The following STK40 variants were observed in gnomAD, a reference collection of about 807,000 sequenced individuals.
STK40 encodes the protein serine/threonine kinase 40.
Under a neutral mutation model 47.9 loss-of-function variants are expected in STK40, and 13 were observed. The observed-to-expected ratio is 0.27, with a 90% CI of 0.18 to 0.43. The LOEUF is 0.43. Ranked by LOEUF, STK40 falls within the 20% of genes least tolerant of loss-of-function variation. STK40 has a pLI of 1.00. For synonymous variants in STK40, 225 were observed against 243.2 expected (o/e 0.93, Z 0.69); for missense variants, 460 against 595.1 (o/e 0.77, Z 2.36).
At chr1:36,382,132 G>A (rs1194871999) in intron 1 of STK40, among the ~76,000 whole-genome samples, 1 of 152,056 alleles carries the variant, frequency 6.6e-6, no homozygotes, top group Admixed American at 6.5e-5. Context: ...GACTAGGGTT[G>A]CTAGCAGGGA....
In STK40 at chr1:36,341,879, G is replaced by T; in HGVS notation, c.1184C>A (p.Ala395Asp). The T allele has an allele frequency of 6.2e-7, 1 of 1,614,036 alleles. No individual in the cohort carries two copies. Among genetic ancestry groups the T allele is most frequent in the Non-Finnish European group, 8.5e-7 (1 of 1,179,986 alleles). Residue 395 changes from alanine to aspartate, a missense_variant, in exon 11 of 11, where the codon GCC becomes GAC. Coordinates refer to ENST00000373132, the MANE Select transcript of STK40 (RefSeq NM_001282547.2). The part of the protein sequence containing the change: ...LAEEKSSIHD[A>D]RSWVPKRQFG... ...CTGCCGCTTGGGTACCCAGCTCCGGGCGTCATGGATGGAGCTCTTCTCCTC... is the reference window on the plus strand; with the variant it reads ...CTGCCGCTTGGGTACCCAGCTCCGGTCGTCATGGATGGAGCTCTTCTCCTC...
rs919491379 is a variant in STK40, at chr1:36,343,880, G to A, written c.984C>T (p.Leu328=). The A allele has an allele frequency of 1.9e-6, 3 of 1,602,854 alleles. No homozygotes were observed. The highest frequency in any genetic ancestry group is 2.7e-5 in the African/African-American group (2 of 74,816). The change falls in exon 9 of 11, where the codon CTC becomes CTT. Residue 328 remains leucine (L), a synonymous_variant. Transcript: ENST00000373132. ...RLAAADVLEA[L]SAIIASWQSL... ...CTTACCATGATGCAATGATGGCACT[G>A]AGGGCCTCCAGGACGTCGGCGGCGG...
In STK40 at chr1:36,354,410, T is replaced by A; in HGVS notation, c.577A>T (p.Ile193Phe). 1 of 1,614,088 alleles carries A rather than the reference T, an allele frequency of 6.2e-7. No individual in the cohort carries two copies. Among genetic ancestry groups the A allele is most frequent in the Non-Finnish European group, 8.5e-7 (1 of 1,179,956 alleles). Residue 193 changes from isoleucine to phenylalanine, a missense_variant, in exon 6 of 11, where the codon ATC becomes TTC. By Grantham distance (21) the Ile-to-Phe change is conservative (BLOSUM62 0). Coordinates refer to ENST00000373132, the MANE Select transcript of STK40 (RefSeq NM_001282547.2). ...CCCAGCTTCAGGTCTCTGTGCACGATATTTTTCTGTAAAACAACAGGCGTA... is the reference window on the plus strand; with the variant it reads ...CCCAGCTTCAGGTCTCTGTGCACGAAATTTTTCTGTAAAACAACAGGCGTA... The part of the protein sequence containing the change: ...RVVEALHQKN[I>F]VHRDLKLGNM...
At chr1:36,362,292 T>A in intron 1 of STK40, among the ~76,000 whole-genome samples, 1 of 152,232 alleles carries the variant, frequency 6.6e-6, no homozygotes, top group South Asian at 2.1e-4. Context: ...AGGAAACAGA[T>A]GTGTACAGAC....
At chr1:36,343,545 C>T in intron 9 of STK40, 97 bp from the exon 10 acceptor site, 1 of 1,168,390 alleles carries the variant, frequency 8.6e-7, no homozygotes, top group South Asian at 1.5e-5. Context: ...TGTGTTCCTG[C>T]CATGAGAGAC....
At chr1:36,385,299 G>C (rs1053263727) in intron 1 of STK40, among the ~76,000 whole-genome samples, 2 of 152,262 alleles carry the variant, frequency 1.3e-5, no homozygotes, top group African/African-American at 4.8e-5. Context: ...GAGGGCTCTT[G>C]GAGGAAGCCC....
chr1:36,360,078 T>G (rs186476030), intron 2 of STK40, among the ~76,000 whole-genome samples: 87 of 152,318 alleles, frequency 5.7e-4, no homozygotes, highest in Non-Finnish European at 9.6e-4. Context: ...GCACCACCGG[T>G]GATGACTGGT....
chr1:36,345,983 A>ATT (rs1242799312), intron 7 of STK40, among the ~76,000 whole-genome samples: 1 of 9,720 alleles, frequency 1.0e-4, no homozygotes, highest in Non-Finnish European at 4.0e-4. Flanking sequence ...ATATATATAT[A>ATT]TATATATATT....
At chr1:36,381,118 C>G (rs1647036158) in intron 1 of STK40, among the ~76,000 whole-genome samples, 2 of 152,154 alleles carry the variant, frequency 1.3e-5, no homozygotes, top group South Asian at 4.1e-4. Context: ...CCTATTGCCT[C>G]TGCCCTGATC....
At chr1:36,380,105 G>A (rs1647027332) in intron 1 of STK40, among the ~76,000 whole-genome samples, 1 of 152,178 alleles carries the variant, frequency 6.6e-6, no homozygotes, top group East Asian at 1.9e-4. Flanking sequence ...GCAAGCAATT[G>A]CATCCTTTCC....
At chr1:36,379,467 C>T (rs967925579) in intron 1 of STK40, among the ~76,000 whole-genome samples, 1 of 151,572 alleles carries the variant, frequency 6.6e-6, no homozygotes, top group African/African-American at 2.4e-5. Flanking sequence ...CTGCAAGCTC[C>T]GCCTCCTGGG....
intron 1 of STK40, among the ~76,000 whole-genome samples, chr1:36,370,880 C>CTTT (rs776772949): frequency 2.8e-5 from 4 of 141,612 alleles, no homozygotes; most frequent in South Asian, 2.3e-4. Context: ...CCGTACTACA[C>CTTT]TTTTTTTTTT....
At chr1:36,345,601 C>T (rs1646692482) in intron 7 of STK40, among the ~76,000 whole-genome samples, 1 of 152,170 alleles carries the variant, frequency 6.6e-6, no homozygotes, top group African/African-American at 2.4e-5. Flanking sequence ...AGGACAGCCC[C>T]CTTTTCCTAG....
At chr1:36,383,378 C>T (rs909516853) in intron 1 of STK40, among the ~76,000 whole-genome samples, 2 of 152,258 alleles carry the variant, frequency 1.3e-5, no homozygotes, top group African/African-American at 4.8e-5. Context: ...GCTCAAGCAA[C>T]CTACAATCCC....
Position 36,339,822 on chromosome 1 carries a change from T to C in STK40, c.*1933A>G, listed in dbSNP as rs948666799. On this transcript the variant is annotated 3_prime_UTR_variant, in exon 11 of 11. Coordinates refer to ENST00000373132, the MANE Select transcript of STK40 (RefSeq NM_001282547.2). ...CCAGGAATGTCATCAGACACATGGC[T>C]TGACCTTGGAAGGGCCCAGTCTGTC... 1 of 152,694 alleles carries C rather than the reference T, an allele frequency of 6.5e-6. No individual in the cohort carries two copies. The highest frequency in any genetic ancestry group is 2.4e-5 in the African/African-American group (1 of 41,468). 9.5% of individuals were successfully genotyped at this position (152,694 alleles called of 1,614,324 possible). A position where few individuals can be genotyped will look rare whatever the true frequency, so the allele number is the denominator to read the frequency against.
intron 1 of STK40, among the ~76,000 whole-genome samples, chr1:36,381,414 C>T (rs1341953855): frequency 6.6e-6 from 1 of 152,288 alleles, no homozygotes; most frequent in East Asian, 1.9e-4. Flanking sequence ...GTGCTTGTGC[C>T]AGGCTGCTCC....
At chr1:36,385,084 C>T (rs753486324) in intron 1 of STK40, among the ~76,000 whole-genome samples, 1 of 152,232 alleles carries the variant, frequency 6.6e-6, no homozygotes, top group South Asian at 2.1e-4. Context: ...CCGAATGTCC[C>T]TACCTAACTG....
intron 1 of STK40, among the ~76,000 whole-genome samples, chr1:36,374,428 G>A (rs931246814): frequency 1.3e-5 from 2 of 152,166 alleles, no homozygotes; most frequent in Non-Finnish European, 2.9e-5. Flanking sequence ...GTTAGAGACC[G>A]GTCCCCATAG....
rs530703162 is a variant in STK40, at chr1:36,370,051, G to A, written c.-8-8711C>T. 7.2e-5 allele frequency among the ~76,000 whole-genome samples: 11 copies of A among 152,362 alleles called. No homozygotes were observed. In the South Asian group the frequency reaches 2.1e-3, roughly 29 times the overall value. ...TGGCTGGAGACAGGGTGCCACAGCTGTAGGTAACTGGGGCTGCACTGGATA... is the reference window on the plus strand; with the variant it reads ...TGGCTGGAGACAGGGTGCCACAGCTATAGGTAACTGGGGCTGCACTGGATA... On this transcript the variant is annotated intron_variant, in intron 1 of 10. Coordinates refer to ENST00000373132, the MANE Select transcript of STK40 (RefSeq NM_001282547.2).
Sources: allele counts gnomAD v4.1 joint callset (sites outside exome capture counted in the v4.1 genomes callset), GRCh38; gene constraint gnomAD v4.1.1; transcripts MANE v1.5; gene names NCBI Gene and HGNC (gene_info 2026-07-23, HGNC 2026-07-21).